TEAD1: variants seen among roughly 807,000 people sequenced by gnomAD.
TEAD1 encodes the protein TEA domain transcription factor 1, also known as transcriptional enhancer factor TEF-1.
A neutral mutation model predicts 54.9 loss-of-function variants in TEAD1; 9 were observed. The observed-to-expected ratio is 0.16, with a 90% CI of 0.10 to 0.29. The LOEUF (loss-of-function observed/expected upper bound fraction) is 0.29, where lower values mean the gene tolerates loss of function less well. TEAD1 is among the 10% of genes least tolerant of loss of function. The pLI, the probability that TEAD1 is intolerant of heterozygous loss-of-function variation, is 1.00. For synonymous variants in TEAD1, 200 were observed against 187.8 expected, an observed-to-expected ratio of 1.07 and a Z score of -0.53; for missense variants, 387 against 535.9, an observed-to-expected ratio of 0.72 and a Z score of 2.74.
rs1312163310 is a variant in TEAD1, at chr11:12,940,899, A to G, written c.*3677A>G. On this transcript the variant is annotated 3_prime_UTR_variant, in exon 13 of 13. Coordinates refer to ENST00000527636, the MANE Select transcript of TEAD1 (RefSeq NM_021961.6). Reference sequence around the variant, plus strand: ...GATGGAGGATGGAAGGATTGGTACCAGAAGAGGGCTAAGATACGTTTTCTG... The same window carrying G: ...GATGGAGGATGGAAGGATTGGTACCGGAAGAGGGCTAAGATACGTTTTCTG... The G allele has an allele frequency of 6.6e-6, 1 of 152,248 alleles. No homozygotes were observed. The highest frequency in any genetic ancestry group is 1.5e-5 in the Non-Finnish European group (1 of 68,054). 9.4% of individuals were successfully genotyped at this position (152,248 alleles called of 1,614,324 possible). A position where few individuals can be genotyped will look rare whatever the true frequency, so the allele number is the denominator to read the frequency against.
intron 2 of TEAD1, among the ~76,000 whole-genome samples, chr11:12,722,639 C>A (rs1944231709): frequency 6.9e-6 from 1 of 144,598 alleles, no homozygotes; most frequent in Non-Finnish European, 1.5e-5. Context: ...CCTGTGATTT[C>A]TCTCTCTTTC....
chr11:12,743,006 G>A (rs1431702082), intron 2 of TEAD1, among the ~76,000 whole-genome samples: 1 of 152,228 alleles, frequency 6.6e-6, no homozygotes, highest in Non-Finnish European at 1.5e-5. Context: ...GCTGGGCAGT[G>A]CTGTAATACG....
intron 3 of TEAD1, among the ~76,000 whole-genome samples, chr11:12,827,213 T>TA (rs530562889): frequency 2.6e-3 from 396 of 152,352 alleles, no homozygotes; most frequent in African/African-American, 9.1e-3. Context: ...GCCCTGAACT[T>TA]ACATATCCTG....
chr11:12,916,979 A>C (rs1287285306), intron 10 of TEAD1, among the ~76,000 whole-genome samples: 1 of 152,162 alleles, frequency 6.6e-6, no homozygotes, highest in Admixed American at 6.5e-5. Flanking sequence ...AGAGGAGCTC[A>C]TTTCAACTTA....
At chr11:12,769,170 C>T (rs144632976) in intron 3 of TEAD1, among the ~76,000 whole-genome samples, 5 of 152,262 alleles carry the variant, frequency 3.3e-5, no homozygotes, top group African/African-American at 1.2e-4. Flanking sequence ...CCCTTTCTTA[C>T]TGGGATACCA....
chr11:12,803,372 G>C (rs980204997), intron 3 of TEAD1, among the ~76,000 whole-genome samples: 1 of 152,202 alleles, frequency 6.6e-6, no homozygotes, highest in African/African-American at 2.4e-5. Context: ...GAGCAGCTTT[G>C]TTTTTAGGCA....
intron 10 of TEAD1, among the ~76,000 whole-genome samples, chr11:12,923,705 G>A (rs1461912482): frequency 6.6e-6 from 1 of 152,158 alleles, no homozygotes; most frequent in Non-Finnish European, 1.5e-5. Context: ...GTCCAAGATC[G>A]AATCTGTAGC....
Position 12,913,850 on chromosome 11 carries a change from T to C in TEAD1, c.874-11062T>C, listed in dbSNP as rs147741307. On this transcript the variant is annotated intron_variant, in intron 10 of 12. Transcript: ENST00000527636. ...CATTGGCTTGGGGTTGTTATTGTTG[T>C]TCTATGAAAAACTTTTCATGCACAA... Among the ~76,000 whole-genome samples the C allele has an allele frequency of 4.7e-3, 714 of 152,354 alleles. 9 individuals carry two copies. The highest frequency in any genetic ancestry group is 0.016 in the African/African-American group (681 of 41,572).
intron 3 of TEAD1, among the ~76,000 whole-genome samples, chr11:12,769,459 G>C (rs111843845): frequency 0.034 from 5,162 of 152,284 alleles, 112 homozygotes; most frequent in Non-Finnish European, 0.046. Context: ...ACAGCAAAGA[G>C]ACTGAAACCT....
intron 10 of TEAD1, among the ~76,000 whole-genome samples, chr11:12,906,065 A>T (rs1272979135): frequency 6.6e-6 from 1 of 152,158 alleles, no homozygotes; most frequent in Non-Finnish European, 1.5e-5. Flanking sequence ...CAGAGCATAA[A>T]TGAATAACAG....
intron 3 of TEAD1, among the ~76,000 whole-genome samples, chr11:12,796,623 G>A (rs1945931453): frequency 6.6e-6 from 1 of 152,078 alleles, no homozygotes; most frequent in Admixed American, 6.5e-5. Flanking sequence ...TACTTGGGAG[G>A]CTGAGATGGG....
intron 3 of TEAD1, among the ~76,000 whole-genome samples, chr11:12,811,605 A>G (rs1298867761): frequency 1.3e-5 from 2 of 152,160 alleles, no homozygotes; most frequent in Admixed American, 1.3e-4. Flanking sequence ...CAGAACAAAA[A>G]CAGGAGTCAG....
intron 5 of TEAD1, among the ~76,000 whole-genome samples, chr11:12,867,006 G>A (rs886348694): frequency 1.2e-4 from 19 of 152,136 alleles, no homozygotes; most frequent in African/African-American, 4.1e-4. Context: ...ATTGAAAGAG[G>A]AAAGGCAGCC....
chr11:12,723,100 TA>T (rs1431040096), intron 2 of TEAD1, among the ~76,000 whole-genome samples: 1 of 152,162 alleles, frequency 6.6e-6, no homozygotes, highest in Non-Finnish European at 1.5e-5. Context: ...AGGGCACAAT[TA>T]TTTTTTTGGC....
intron 2 of TEAD1, among the ~76,000 whole-genome samples, chr11:12,736,275 G>T (rs60404841): frequency 1.3e-5 from 2 of 152,022 alleles, no homozygotes; most frequent in African/African-American, 4.8e-5. Context: ...AAGACCAAAG[G>T]CTTTACGTTT....
chr11:12,817,790 T>A (rs932418840), intron 3 of TEAD1, among the ~76,000 whole-genome samples: 1 of 152,040 alleles, frequency 6.6e-6, no homozygotes, highest in Non-Finnish European at 1.5e-5. Context: ...AGAAAGGGAG[T>A]TCAGGGTTGA....
chr11:12,704,105 T>G (rs1308520215), intron 2 of TEAD1, among the ~76,000 whole-genome samples: 2 of 152,242 alleles, frequency 1.3e-5, no homozygotes, highest in Non-Finnish European at 2.9e-5. Flanking sequence ...ATGTTTATTT[T>G]CTTTTTATGG....
At chr11:12,925,125 G>A in intron 11 of TEAD1, 73 bp downstream of exon 11, 2 of 1,557,116 alleles carry the variant, frequency 1.3e-6, no homozygotes, top group South Asian at 2.2e-5. Flanking sequence ...CTTCCTTGGG[G>A]CAGAGAGTTG....
intron 2 of TEAD1, among the ~76,000 whole-genome samples, chr11:12,719,948 T>G (rs1944150595): frequency 3.5e-5 from 4 of 113,296 alleles, no homozygotes; most frequent in South Asian, 3.3e-4. Context: ...GGAAATCTAA[T>G]GTTTTTTTTT....
Sources: gnomAD v4.1 joint callset for allele counts (sites outside exome capture counted in the v4.1 genomes callset) on GRCh38, gnomAD v4.1.1 for gene constraint, MANE v1.5 for transcripts, NCBI Gene and HGNC (gene_info 2026-07-23, HGNC 2026-07-21) for gene names.